Variants in SUMF1 observed in about 807,000 individuals in gnomAD.
SUMF1 encodes the protein formylglycine-generating enzyme.
In SUMF1, 48 loss-of-function variants were observed where a neutral mutation model predicts 47.6. The ratio of observed to expected loss-of-function variants is 1.01; its 90% CI spans 0.80 to 1.28. The LOEUF (loss-of-function observed/expected upper bound fraction) is 1.28. SUMF1 is among the 50% of genes most tolerant of loss of function. The pLI is 0.00. For synonymous variants in SUMF1, 230 were observed against 192.1 expected (o/e 1.20, Z -1.63); for missense variants, 571 against 485.4 (o/e 1.18, Z -1.66).
intron 8 of SUMF1, among the ~76,000 whole-genome samples, chr3:4,256,751 C>G (rs1037855713): frequency 2.2e-4 from 33 of 152,272 alleles, no homozygotes; most frequent in African/African-American, 7.9e-4. Context: ...TCCTCCCTAA[C>G]TCATTTGATG....
chr3:4,233,030 G>A (rs1040391458), intron 8 of SUMF1, among the ~76,000 whole-genome samples: 2 of 152,102 alleles, frequency 1.3e-5, no homozygotes, highest in Non-Finnish European at 2.9e-5. Flanking sequence ...AAAGCCTCTG[G>A]TGTTAAGTAA....
intron 8 of SUMF1, among the ~76,000 whole-genome samples, chr3:4,091,042 C>T (rs1692774515): frequency 6.6e-6 from 1 of 151,634 alleles, no homozygotes; most frequent in Admixed American, 6.6e-5. Flanking sequence ...GATCGCTCCA[C>T]TGCACTCCAG....
chr3:4,113,394 T>C (rs900371273), intron 8 of SUMF1, among the ~76,000 whole-genome samples: 22 of 152,032 alleles, frequency 1.4e-4, no homozygotes, highest in Non-Finnish European at 2.9e-4. Flanking sequence ...CCAGGCATGG[T>C]GGCTTGCACC....
chr3:4,233,530 G>A (rs755027751), intron 8 of SUMF1, among the ~76,000 whole-genome samples: 11 of 152,104 alleles, frequency 7.2e-5, no homozygotes, highest in Non-Finnish European at 1.6e-4. Flanking sequence ...TTTGGTGTGT[G>A]TGGTTTTTTA....
chr3:4,176,024 A>T (rs1308243004), intron 8 of SUMF1, among the ~76,000 whole-genome samples: 1 of 152,188 alleles, frequency 6.6e-6, no homozygotes, highest in African/African-American at 2.4e-5. Flanking sequence ...GCCTCCAAGA[A>T]ATATGGGACT....
downstream of SUMF1, among the ~76,000 whole-genome samples, chr3:4,356,738 C>T (rs1218759766): frequency 6.6e-6 from 1 of 152,162 alleles, no homozygotes; most frequent in Admixed American, 6.5e-5. Context: ...ACATTAAAAA[C>T]TCAGAAGGCT....
intron 8 of SUMF1, among the ~76,000 whole-genome samples, chr3:4,223,454 T>A (rs1392746597): frequency 1.3e-5 from 2 of 152,168 alleles, no homozygotes; most frequent in African/African-American, 4.8e-5. Flanking sequence ...GAACAGTGCC[T>A]GGAGCATAGC....
Position 4,257,748 on chromosome 3 carries a change from T to A in SUMF1, c.1014+118582A>T, listed in dbSNP as rs548046340. ...GCTACCAATGACTTTCTTCACAGAA[T>A]TGGAAAAAACTACTTTAAAGTTCAT... On this transcript the variant is annotated intron_variant and NMD_transcript_variant, in intron 8 of 12. Coordinates refer to the SUMF1 transcript ENST00000448413. Among the ~76,000 whole-genome samples, 9 of 151,970 alleles carry A rather than the reference T, an allele frequency of 5.9e-5. No homozygotes were observed. In the East Asian group the frequency reaches 1.6e-3, roughly 26 times the overall value.
At chr3:4,173,167 G>A (rs1244838069) in intron 8 of SUMF1, among the ~76,000 whole-genome samples, 2 of 152,190 alleles carry the variant, frequency 1.3e-5, no homozygotes, top group Admixed American at 6.5e-5. Flanking sequence ...GGTTGTATAT[G>A]TGTGGTGTTA....
At chr3:4,217,525 T>TATTATATATATATATATA (rs1695958900) in intron 8 of SUMF1, among the ~76,000 whole-genome samples, 1 of 98,858 alleles carries the variant, frequency 1.0e-5, no homozygotes, top group African/African-American at 4.1e-5. Context: ...TATATATATA[T>TATTATATATATATATATA]ATATATATAT....
At chr3:4,100,705 G>C (rs983855699) in intron 8 of SUMF1, among the ~76,000 whole-genome samples, 2 of 151,918 alleles carry the variant, frequency 1.3e-5, no homozygotes, top group Non-Finnish European at 2.9e-5. Flanking sequence ...GATTAATAGA[G>C]TGAAGAGACA....
Position 4,125,557 on chromosome 3 carries a change from A to G in SUMF1, c.1015-56812T>C, listed in dbSNP as rs184759678. Among the ~76,000 whole-genome samples the G allele has an allele frequency of 3.3e-5, 5 of 152,318 alleles. No homozygotes were observed. In the East Asian group the frequency reaches 9.6e-4, roughly 29 times the overall value. ...TCTCCTTCTTATTTATGAGAATGTCATGAGAAATATTATCACATTGCTTGC... is the reference window on the plus strand; with the variant it reads ...TCTCCTTCTTATTTATGAGAATGTCGTGAGAAATATTATCACATTGCTTGC... On this transcript the variant is annotated intron_variant and NMD_transcript_variant, in intron 8 of 12. Coordinates refer to the SUMF1 transcript ENST00000448413.
chr3:4,179,643 C>A (rs1462513321), intron 8 of SUMF1, among the ~76,000 whole-genome samples: 2 of 152,132 alleles, frequency 1.3e-5, no homozygotes, highest in African/African-American at 2.4e-5. Flanking sequence ...GCAAGGACTT[C>A]ATGACTAAAA....
chr3:4,275,386 G>A (rs1486783219), intron 8 of SUMF1, among the ~76,000 whole-genome samples: 1 of 152,132 alleles, frequency 6.6e-6, no homozygotes, highest in Non-Finnish European at 1.5e-5. Flanking sequence ...CCTTAGGATG[G>A]CAGTAAAATG....
At chr3:4,370,548 AT>A (rs1700137430) in intron 8 of SUMF1, among the ~76,000 whole-genome samples, 1 of 152,218 alleles carries the variant, frequency 6.6e-6, no homozygotes, top group African/African-American at 2.4e-5. Context: ...AACCTAGCAT[AT>A]AACCACTCAA....
rs144655209 is a variant in SUMF1 at position 4,131,335 on chromosome 3, C to G, written c.1015-62590G>C. Among the ~76,000 whole-genome samples the G allele has an allele frequency of 2.5e-3, 384 of 152,238 alleles. 4 individuals carry two copies. The highest frequency in any genetic ancestry group is 8.9e-3 in the African/African-American group (370 of 41,528). On this transcript the variant is annotated intron_variant and NMD_transcript_variant, in intron 8 of 12. Transcript: ENST00000448413. Reference sequence around the variant, plus strand: ...ATTTCTGCCACCCTGCCTGCTCTTCCCCAGCCTGCACCAATGGCCTCATGG... The same window carrying G: ...ATTTCTGCCACCCTGCCTGCTCTTCGCCAGCCTGCACCAATGGCCTCATGG...
At chr3:4,305,505 CTTG>C (rs1433068518) in intron 8 of SUMF1, among the ~76,000 whole-genome samples, 1 of 152,108 alleles carries the variant, frequency 6.6e-6, no homozygotes, top group African/African-American at 2.4e-5. Flanking sequence ...TGATTATCTC[CTTG>C]TTGTGGAAAG....
In SUMF1 at chr3:4,362,022, G is replaced by A; in HGVS notation, c.*122C>T. On this transcript the variant is annotated 3_prime_UTR_variant, in exon 9 of 9. Coordinates refer to ENST00000272902, the MANE Select transcript of SUMF1 (RefSeq NM_182760.4). ...ACAAGGCGGTTCCTTTGGCCATTGG[G>A]CAGGTATGTAACCCACCTCAGGGTG... 1.1e-6 allele frequency: 1 copy of A among 918,872 alleles called. No individual in the cohort carries two copies. Among genetic ancestry groups the A allele is most frequent in the Non-Finnish European group, 1.7e-6 (1 of 580,840 alleles). The allele number at this position is 918,872 out of a possible 1,614,324, so 56.9% of individuals were successfully genotyped here. A position where few individuals can be genotyped will look rare whatever the true frequency, so the allele number is the denominator to read the frequency against.
At chr3:4,283,075 C>G (rs926267062) in intron 8 of SUMF1, among the ~76,000 whole-genome samples, 1 of 152,118 alleles carries the variant, frequency 6.6e-6, no homozygotes, top group African/African-American at 2.4e-5. Flanking sequence ...AATTGATGAC[C>G]TGCATTTGGT....
Sources: gnomAD v4.1 joint callset for allele counts (sites outside exome capture counted in the v4.1 genomes callset) on GRCh38, gnomAD v4.1.1 for gene constraint, MANE v1.5 for transcripts, NCBI Gene and HGNC (gene_info 2026-07-23, HGNC 2026-07-21) for gene names.